Variants in KLRG1 observed in about 807,000 individuals in gnomAD.
KLRG1 encodes killer cell lectin like receptor G1, also known as killer cell lectin-like receptor subfamily G member 1.
KLRG1 carries 16 observed loss-of-function variants against 21.8 expected under a neutral mutation model. That is an observed-to-expected ratio of 0.73 (90% confidence interval 0.50 to 1.11). The LOEUF is 1.11. Among genes scored for constraint, KLRG1 ranks in the 50% most tolerant of loss-of-function variants. The pLI, the probability that KLRG1 is intolerant of heterozygous loss-of-function variation, is 0.00. For missense variants in KLRG1, 173 were observed against 218.3 expected, an observed-to-expected ratio of 0.79 and a Z score of 1.31; for synonymous variants, 69 against 75.9, an observed-to-expected ratio of 0.91 and a Z score of 0.47.
the KLRG1 span, among the ~76,000 whole-genome samples, chr12:9,075,751 A>G: frequency 6.6e-6 from 1 of 152,214 alleles, no homozygotes; most frequent in Non-Finnish European, 1.5e-5. Flanking sequence ...CAAAAATATA[A>G]GGAAATCCAT....
the KLRG1 span, chr12:9,166,262 T>G: frequency 6.5e-7 from 1 of 1,537,922 alleles, no homozygotes; most frequent in Non-Finnish European, 8.8e-7. Context: ...ATGGTGCACA[T>G]GTGAGACGTT....
intron 3 of KLRG1, among the ~76,000 whole-genome samples, chr12:9,005,148 G>T (rs1947431047): frequency 6.7e-6 from 1 of 148,380 alleles, no homozygotes; most frequent in African/African-American, 2.5e-5. Flanking sequence ...AGTAGGAGTT[G>T]AACAATGAGA....
the KLRG1 span, among the ~76,000 whole-genome samples, chr12:9,133,528 G>GA: frequency 2.0e-5 from 3 of 152,178 alleles, no homozygotes; most frequent in Non-Finnish European, 2.9e-5. Flanking sequence ...TGCTGTGAAA[G>GA]AAAAAAATGT....
chr12:8,996,521 C>G (rs1947135759), intron 3 of KLRG1: 1 of 152,056 alleles, frequency 6.6e-6, no homozygotes, highest in Non-Finnish European at 1.5e-5. Context: ...AGAGGTTACT[C>G]TAAAGCAGTG....
intron 3 of KLRG1, among the ~76,000 whole-genome samples, chr12:9,002,601 C>T (rs1014038358): frequency 5.9e-5 from 9 of 151,900 alleles, no homozygotes; most frequent in Non-Finnish European, 7.4e-5. Context: ...TTGTTTGAGA[C>T]TCTCACCCAG....
chr12:9,021,311 T>C, the KLRG1 span, among the ~76,000 whole-genome samples: 1 of 152,294 alleles, frequency 6.6e-6, no homozygotes, highest in South Asian at 2.1e-4. Flanking sequence ...ACGTTTAAGC[T>C]ACAGTAAATG....
At chr12:9,161,012 A>G in the KLRG1 span, 2 of 1,535,208 alleles carry the variant, frequency 1.3e-6, no homozygotes, top group South Asian at 1.1e-5. Flanking sequence ...GCCCAGGTTT[A>G]CTAAATGGAA....
chr12:8,961,246 T>G (rs897018144), intron 1 of KLRG1, among the ~76,000 whole-genome samples: 2 of 152,172 alleles, frequency 1.3e-5, no homozygotes, highest in African/African-American at 2.4e-5. Context: ...CCAGGAGTTT[T>G]GTGTCTTTAG....
chr12:8,976,886 G>A (rs1272158978), intron 1 of KLRG1, among the ~76,000 whole-genome samples: 2 of 151,542 alleles, frequency 1.3e-5, no homozygotes, highest in Non-Finnish European at 1.5e-5. Context: ...AGCTGGGATT[G>A]TAGACATGTA....
At chr12:9,169,470 G>T in the KLRG1 span, 1 of 1,611,420 alleles carries the variant, frequency 6.2e-7, no homozygotes, top group Non-Finnish European at 8.5e-7. Context: ...ACTTGATAAG[G>T]GAACATAGAT....
At chr12:9,023,207 T>C in the KLRG1 span, among the ~76,000 whole-genome samples, 1 of 152,176 alleles carries the variant, frequency 6.6e-6, no homozygotes, top group South Asian at 2.1e-4. Flanking sequence ...TTTTGGGATC[T>C]GATGGTATCT....
the KLRG1 span, chr12:9,106,563 C>T: frequency 1.3e-6 from 2 of 1,593,626 alleles, no homozygotes; most frequent in African/African-American, 1.3e-5. Context: ...AGCTGGAAGA[C>T]CTTGGTTTTT....
the KLRG1 span, among the ~76,000 whole-genome samples, chr12:9,189,640 T>C: frequency 6.6e-6 from 1 of 152,222 alleles, no homozygotes; most frequent in South Asian, 2.1e-4. Context: ...CATTGACAAA[T>C]GGGATCTAAT....
At chr12:8,956,678 C>T (rs1486938920) in intron 1 of KLRG1, among the ~76,000 whole-genome samples, 1 of 152,172 alleles carries the variant, frequency 6.6e-6, no homozygotes, top group African/African-American at 2.4e-5. Flanking sequence ...AACTCCTGAC[C>T]TCACGTAATT....
chr12:9,195,597 C>A, the KLRG1 span, among the ~76,000 whole-genome samples: 2 of 150,840 alleles, frequency 1.3e-5, no homozygotes, highest in African/African-American at 2.4e-5. Flanking sequence ...GTGCACGCCA[C>A]CAGCCCACTG....
the KLRG1 span, chr12:9,107,585 C>T: frequency 6.2e-7 from 1 of 1,614,016 alleles, no homozygotes; most frequent in Non-Finnish European, 8.5e-7. Flanking sequence ...GGAAGCGTCA[C>T]TATACTTTCT....
the KLRG1 span, chr12:9,090,524 A>G: frequency 2.5e-6 from 4 of 1,601,732 alleles, no homozygotes; most frequent in African/African-American, 5.4e-5. Flanking sequence ...GGGAAGGAGA[A>G]CAGAGGGAGA....
chr12:9,050,072 G>A, the KLRG1 span, among the ~76,000 whole-genome samples: 8 of 152,104 alleles, frequency 5.3e-5, no homozygotes, highest in African/African-American at 1.2e-4. Flanking sequence ...AAAAATCTTC[G>A]TAGGAAGCTG....
the KLRG1 span, among the ~76,000 whole-genome samples, chr12:9,016,230 G>A: frequency 6.6e-6 from 1 of 151,566 alleles, no homozygotes; most frequent in Non-Finnish European, 1.5e-5. Context: ...TGGTTTTTTT[G>A]AAAAGATAAA....
Sources: allele counts gnomAD v4.1 joint callset (sites outside exome capture counted in the v4.1 genomes callset), GRCh38; gene constraint gnomAD v4.1.1; transcripts MANE v1.5; gene names NCBI Gene and HGNC (gene_info 2026-07-23, HGNC 2026-07-21).